Variants in VSIG8 observed in about 807,000 individuals in gnomAD.
VSIG8 encodes V-set and immunoglobulin domain containing 8, also known as V-set and immunoglobulin domain-containing protein 8.
In VSIG8, 32 loss-of-function variants were observed where a neutral mutation model predicts 42.6. The observed-to-expected ratio is 0.75, with a 90% CI of 0.57 to 1.01. The LOEUF (loss-of-function observed/expected upper bound fraction) is 1.01. VSIG8 is among the 50% of genes least tolerant of loss of function. The probability of loss-of-function intolerance (pLI) is 0.00; values close to 1 mark genes in which losing one functional copy is unlikely to be tolerated. For missense variants in VSIG8, 529 were observed against 558.0 expected, an observed-to-expected ratio of 0.95 and a Z score of 0.52; for synonymous variants, 290 against 243.8, an observed-to-expected ratio of 1.19 and a Z score of -1.77.
rs760215917 is a variant in VSIG8, at chr1:159,856,539, C to G, written c.757G>C (p.Glu253Gln). The G allele has an allele frequency of 6.8e-6, 11 of 1,614,062 alleles. No individual in the cohort carries two copies. The Admixed American group carries it at 8.3e-5, about 12-fold the overall frequency. Reference protein sequence around the residue: ...NNVGYSVCVVEVKVSDSRRIG... With the variant: ...NNVGYSVCVVQVKVSDSRRIG... Reference sequence around the variant, plus strand: ...CTGCACCTACCTGAGACCTTCACCTCCACCACACAAACACTGTAGCCCACG... The same window carrying G: ...CTGCACCTACCTGAGACCTTCACCTGCACCACACAAACACTGTAGCCCACG... The change falls in exon 5 of 7, where the codon GAG becomes CAG. Residue 253 changes from glutamate to glutamine, a missense_variant. Coordinates refer to ENST00000368100, the MANE Select transcript of VSIG8 (RefSeq NM_001013661.1).
rs754885556 is a variant in VSIG8, at chr1:159,857,996, G to A, written c.431-30C>T. The A allele has an allele frequency of 1.5e-5, 24 of 1,612,074 alleles. No individual in the cohort carries two copies. In the Middle Eastern group the frequency reaches 4.9e-4, roughly 33 times the overall value. On this transcript the variant is annotated intron_variant, in intron 3 of 6. Transcript: ENST00000368100. ...AAGGAGGCAGACAATTGTAAGCCAG[G>A]GCCCAGCCAAGAGACAGAGCCAGGC...
intron 4 of VSIG8, among the ~76,000 whole-genome samples, chr1:159,857,032 T>C (rs1232419047): frequency 6.6e-6 from 1 of 152,230 alleles, no homozygotes; most frequent in Admixed American, 6.5e-5. Context: ...AGCTTCTCTA[T>C]GTACTAGGAG....
In VSIG8 at chr1:159,856,010, C is replaced by T. The variant is rs748238867; in HGVS notation, c.844G>A (p.Gly282Ser). 1.2e-6 allele frequency: 2 copies of T among 1,610,588 alleles called. No individual in the cohort carries two copies. The highest frequency in any genetic ancestry group is 4.5e-5 in the East Asian group (2 of 44,724). Residue 282 changes from glycine to serine, a missense_variant, in exon 6 of 7, where the codon GGC becomes AGC. Coordinates refer to ENST00000368100, the MANE Select transcript of VSIG8 (RefSeq NM_001013661.1). ...CAGCAGCAGACGAGCCCCCAGATGC[C>T]TACGGCCAGGCAGCCCAGCGCGAGC... ...SLLALGCLAV[G>S]IWGLVCCCCG...
chr1:159,855,241 C>G (rs1648776359), intron 6 of VSIG8: 1 of 1,551,294 alleles, frequency 6.4e-7, no homozygotes. Context: ...TCCCCATCCT[C>G]CAGACAGGGC....
chr1:159,859,204 C>T (rs1032814494), intron 1 of VSIG8, among the ~76,000 whole-genome samples: 4 of 152,104 alleles, frequency 2.6e-5, no homozygotes, highest in African/African-American at 7.2e-5. Context: ...ACATTGTATG[C>T]TTATGAGTAT....
intron 1 of VSIG8, 150 bp downstream of exon 1, chr1:159,862,322 TA>T: frequency 1.4e-6 from 1 of 727,544 alleles, no homozygotes; most frequent in Non-Finnish European, 2.2e-6. Context: ...GGTCCCCTGG[TA>T]ATACCCACAC....
At position 159,858,128 on chromosome 1, in the gene VSIG8, G is replaced by T. The variant is rs1221600749; in HGVS notation, c.392C>A (p.Thr131Asn). ...TATYECRVKK[T>N]TMATRKVIVT... ...AATGACCTTCCGGGTGGCCATGGTGGTCTTCTTCACCCGGCACTCATAAGT... is the reference window on the plus strand; with the variant it reads ...AATGACCTTCCGGGTGGCCATGGTGTTCTTCTTCACCCGGCACTCATAAGT... Residue 131 changes from threonine (T) to asparagine (N), a missense_variant, in exon 3 of 7, where the codon ACC becomes AAC. Physicochemically the swap from Thr to Asn is moderately conservative, Grantham distance 65 (BLOSUM62 0). Coordinates refer to ENST00000368100, the MANE Select transcript of VSIG8 (RefSeq NM_001013661.1). 2.5e-6 allele frequency: 4 copies of T among 1,614,200 alleles called. No homozygotes were observed. Among genetic ancestry groups the T allele is most frequent in the Non-Finnish European group, 3.4e-6 (4 of 1,180,048 alleles).
At chr1:159,860,023 A>G (rs1010063734) in intron 1 of VSIG8, among the ~76,000 whole-genome samples, 2 of 152,046 alleles carry the variant, frequency 1.3e-5, no homozygotes, top group African/African-American at 4.8e-5. Flanking sequence ...TCCACCTCCC[A>G]GTCTCCAGCA....
chr1:159,857,651 T>A (rs575224629), intron 4 of VSIG8, 94 bp downstream of exon 4: 17 of 1,000,364 alleles, frequency 1.7e-5, no homozygotes, highest in African/African-American at 4.8e-5. Context: ...CAGGTTTGAT[T>A]TGATGGCACT....
chr1:159,857,804 T>C lies in VSIG8; in HGVS notation c.593A>G (p.Gln198Arg), dbSNP rs975377048. ...YPYRAGSYTS[Q>R]HSYHSELSYQ... ...GGACAGCTCTGAGTGGTAGCTGTGCTGGGAGGTGTAAGACCCAGCTCGATA... is the reference window on the plus strand; with the variant it reads ...GGACAGCTCTGAGTGGTAGCTGTGCCGGGAGGTGTAAGACCCAGCTCGATA... Residue 198 changes from glutamine to arginine, a missense_variant, in exon 4 of 7, where the codon CAG (glutamine) becomes CGG (arginine). Physicochemically the swap from Gln to Arg is conservative, Grantham distance 43. Coordinates refer to ENST00000368100, the MANE Select transcript of VSIG8 (RefSeq NM_001013661.1). 2.5e-6 allele frequency: 4 copies of C among 1,614,050 alleles called. No homozygotes were observed. Among genetic ancestry groups the C allele is most frequent in the Admixed American group, 3.3e-5 (2 of 60,008 alleles).
chr1:159,862,402 G>A, intron 1 of VSIG8, 71 bp downstream of exon 1: 1 of 1,508,648 alleles, frequency 6.6e-7, no homozygotes, highest in South Asian at 1.3e-5. Flanking sequence ...GCTCCACTGT[G>A]AGCCCTTGCT....
chr1:159,855,100 G>C (rs1292679837), intron 6 of VSIG8, 74 bp from the exon 7 acceptor site: 4 of 1,551,870 alleles, frequency 2.6e-6, no homozygotes, highest in Non-Finnish European at 3.5e-6. Context: ...GGGCAGAGCC[G>C]GGGGCTCTTG....
chr1:159,857,208 A>G (rs769379858), intron 4 of VSIG8, among the ~76,000 whole-genome samples: 1 of 152,204 alleles, frequency 6.6e-6, no homozygotes, highest in Non-Finnish European at 1.5e-5. Context: ...TCTGTCTGAG[A>G]CCAGGCTCCC....
In VSIG8 at chr1:159,857,734, G is replaced by T; in HGVS notation, c.652+11C>A. 6.2e-7 allele frequency: 1 copy of T among 1,612,896 alleles called. No individual in the cohort carries two copies. The highest frequency in any genetic ancestry group is 1.6e-4 in the Middle Eastern group (1 of 6,062). On this transcript the variant is annotated intron_variant, in intron 4 of 6. Coordinates refer to ENST00000368100, the MANE Select transcript of VSIG8 (RefSeq NM_001013661.1). Reference sequence around the variant, plus strand: ...CTCACCCCCGACTGCCCTCATCCAGGGCCCTCTCACCTTGGTTTATGGAGC... The same window carrying T: ...CTCACCCCCGACTGCCCTCATCCAGTGCCCTCTCACCTTGGTTTATGGAGC...
At chr1:159,856,239 G>A in intron 5 of VSIG8, 158 bp from the exon 6 acceptor site, 2 of 795,978 alleles carry the variant, frequency 2.5e-6, no homozygotes, top group South Asian at 1.8e-5. Flanking sequence ...AAGATATGGG[G>A]AGATGCAAGT....
chr1:159,859,848 G>A (rs974807048), intron 1 of VSIG8, among the ~76,000 whole-genome samples: 1 of 152,090 alleles, frequency 6.6e-6, no homozygotes, highest in African/African-American at 2.4e-5. Flanking sequence ...TCAGTGGCAG[G>A]CAATCCTGGG....
At position 159,854,428 on chromosome 1, in the gene VSIG8, T is replaced by G; in HGVS notation, c.*325A>C. 1 of 228,514 alleles carries G rather than the reference T, an allele frequency of 4.4e-6. No homozygotes were observed. The highest frequency in any genetic ancestry group is 8.2e-6 in the Non-Finnish European group (1 of 121,840). The allele number at this position is 228,514 out of a possible 1,614,324, so 14.2% of individuals were successfully genotyped here. On this transcript the variant is annotated 3_prime_UTR_variant, in exon 7 of 7. Coordinates refer to ENST00000368100, the MANE Select transcript of VSIG8 (RefSeq NM_001013661.1). ...CACCCACCCGGCCCCCGGGGCCCTC[T>G]GCTTAGGCTGGGGACACCAGGCCTC...
chr1:159,856,059 G>T lies in VSIG8; in HGVS notation c.795C>A (p.Ile265=). The stretch of plus-strand genomic sequence containing the variant: ...GCAGAGAGCCCAGGACGATGCCGAT[G>T]ATCACGCCTATACGCCGGGAGTCTG... ...KVSDSRRIGV[I]IGIVLGSLLA... The change falls in exon 6 of 7, where the codon ATC becomes ATA. Residue 265 remains isoleucine, a synonymous_variant. Coordinates refer to ENST00000368100, the MANE Select transcript of VSIG8 (RefSeq NM_001013661.1). 6.2e-7 allele frequency: 1 copy of T among 1,612,328 alleles called. No individual in the cohort carries two copies. The highest frequency in any genetic ancestry group is 8.5e-7 in the Non-Finnish European group (1 of 1,179,380).
At chr1:159,856,411 C>T in intron 5 of VSIG8, 113 bp downstream of exon 5, 2 of 1,562,184 alleles carry the variant, frequency 1.3e-6, no homozygotes, top group Non-Finnish European at 1.7e-6. Flanking sequence ...GGAGCCCCCA[C>T]TGGCAAATGG....
Sources: gnomAD v4.1 joint callset for allele counts (sites outside exome capture counted in the v4.1 genomes callset) on GRCh38, gnomAD v4.1.1 for gene constraint, MANE v1.5 for transcripts, NCBI Gene and HGNC (gene_info 2026-07-23, HGNC 2026-07-21) for gene names.